The following ADAT1 variants were observed in gnomAD, a reference collection of about 807,000 sequenced individuals.
ADAT1 encodes tRNA-specific adenosine deaminase 1.
A neutral mutation model predicts 58.6 loss-of-function variants in ADAT1; 58 were observed. That is an observed-to-expected ratio of 0.99 (90% CI 0.80 to 1.23). The LOEUF (loss-of-function observed/expected upper bound fraction) is 1.23. ADAT1 is among the 50% of genes most tolerant of loss of function. The pLI, the probability that ADAT1 is intolerant of heterozygous loss-of-function variation, is 0.00. For missense variants in ADAT1, 741 were observed against 608.6 expected, an observed-to-expected ratio of 1.22 and a Z score of -2.29; for synonymous variants, 254 against 220.8, an observed-to-expected ratio of 1.15 and a Z score of -1.33.
At chr16:75,620,509 A>T in intron 2 of ADAT1, 122 bp downstream of exon 2, 1 of 1,412,966 alleles carries the variant, frequency 7.1e-7, no homozygotes, top group Non-Finnish European at 9.8e-7. Context: ...CTAGCAGAGG[A>T]CAAGCACATA....
intron 5 of ADAT1, among the ~76,000 whole-genome samples, chr16:75,616,365 A>G (rs564421897): frequency 5.9e-5 from 9 of 152,312 alleles, no homozygotes; most frequent in Admixed American, 4.6e-4. Flanking sequence ...AAATCTACAC[A>G]GCTATTCTAT....
At chr16:75,619,660 C>T (rs899704659) in intron 3 of ADAT1, 6 of 455,088 alleles carry the variant, frequency 1.3e-5, no homozygotes, top group African/African-American at 1.2e-4. Flanking sequence ...CCTTTAATCC[C>T]AGCACTTTGG....
chr16:75,620,633 T>C lies in ADAT1; in HGVS notation c.167A>G (p.Gln56Arg), dbSNP rs1007913134. ...KACDTPDKPV[Q>R]VTKEVVSMGT... ...ATGCCAAGAAGAAAAAGTCTCACCT[T>C]GCACCGGCTTATCAGGGGTGTCGCA... The change falls in exon 2 of 10, where the codon CAA becomes CGA. Residue 56 changes from glutamine (Q) to arginine (R), a missense_variant and splice_region_variant. Transcript: ENST00000564657. 1 of 1,612,820 alleles carries C rather than the reference T, an allele frequency of 6.2e-7. No individual in the cohort carries two copies. Among genetic ancestry groups the C allele is most frequent in the South Asian group, 1.1e-5 (1 of 90,984 alleles).
intron 8 of ADAT1, among the ~76,000 whole-genome samples, chr16:75,603,383 A>G (rs2081277784): frequency 6.6e-6 from 1 of 152,328 alleles, no homozygotes; most frequent in Non-Finnish European, 1.5e-5. Flanking sequence ...GCCATCAGCC[A>G]TGGGATCATT....
intron 8 of ADAT1, among the ~76,000 whole-genome samples, chr16:75,604,231 G>C (rs56206550): frequency 6.6e-6 from 1 of 151,320 alleles, no homozygotes; most frequent in African/African-American, 2.4e-5. Flanking sequence ...TCAGGAGTTC[G>C]AGACCAGCCT....
chr16:75,621,525 G>A (rs1597148739), intron 1 of ADAT1, among the ~76,000 whole-genome samples: 2 of 152,114 alleles, frequency 1.3e-5, no homozygotes, highest in South Asian at 4.1e-4. Context: ...AGATTATTGT[G>A]AAGATTAAAT....
intron 3 of ADAT1, among the ~76,000 whole-genome samples, chr16:75,619,902 A>AAT (rs1180427669): frequency 6.6e-6 from 1 of 151,776 alleles, no homozygotes; most frequent in East Asian, 1.9e-4. Context: ...TCAAAAAAAA[A>AAT]AAAAAAAAAA....
chr16:75,617,272 C>A lies in ADAT1; in HGVS notation c.294G>T (p.Arg98Ser). 6.2e-7 allele frequency: 1 copy of A among 1,611,692 alleles called. No individual in the cohort carries two copies. The highest frequency in any genetic ancestry group is 8.5e-7 in the Non-Finnish European group (1 of 1,178,112). Residue 98 changes from arginine to serine, a missense_variant and splice_region_variant, in exon 5 of 10, where the codon AGG becomes AGT. Coordinates refer to ENST00000564657, the MANE Select transcript of ADAT1 (RefSeq NM_001324445.2). ...AEVIARRSFQ[R>S]YLLHQLQLAA... is the part of the protein sequence containing the mutation. The stretch of plus-strand genomic sequence containing the variant: ...CCAACTGGAGTTGGTGGAGAAGGTA[C>A]CTAAGGGTTGCAAGATGTTATTAGG...
At chr16:75,613,362 G>A (rs2081609020) in intron 5 of ADAT1, among the ~76,000 whole-genome samples, 1 of 152,102 alleles carries the variant, frequency 6.6e-6, no homozygotes, top group African/African-American at 2.4e-5. Context: ...AGTGCAGTGG[G>A]GTGATCTCTG....
rs1597153669 is a variant in ADAT1, at chr16:75,623,204, T to G, written c.-823A>C. 1 of 151,934 alleles carries G rather than the reference T, an allele frequency of 6.6e-6. No individual in the cohort carries two copies. Among genetic ancestry groups the G allele is most frequent in the East Asian group, 1.9e-4 (1 of 5,194 alleles). The allele number at this position is 151,934 out of a possible 1,614,324, so 9.4% of individuals were successfully genotyped here. On this transcript the variant is annotated 5_prime_UTR_variant, in exon 1 of 10. Coordinates refer to ENST00000564657, the MANE Select transcript of ADAT1 (RefSeq NM_001324445.2). Reference sequence around the variant, plus strand: ...AGTTAGCCCGGATAAACCTGCCCCGTCGCCCCAGCGCCTCGCGGACGCTCC... The same window carrying G: ...AGTTAGCCCGGATAAACCTGCCCCGGCGCCCCAGCGCCTCGCGGACGCTCC...
In ADAT1 at chr16:75,598,922, G is replaced by A; in HGVS notation, c.*1294C>T. 4 of 985,310 alleles carry A rather than the reference G, an allele frequency of 4.1e-6. No homozygotes were observed. Among genetic ancestry groups the A allele is most frequent in the Non-Finnish European group, 4.8e-6 (4 of 829,906 alleles). The allele number at this position is 985,310 out of a possible 1,614,324, so 61.0% of individuals were successfully genotyped here. A position where few individuals can be genotyped will look rare whatever the true frequency, so the allele number is the denominator to read the frequency against. On this transcript the variant is annotated 3_prime_UTR_variant, in exon 10 of 10. Transcript: ENST00000564657. ...AAAATATTTATAGCCACAAAATGCT[G>A]AAGAACCAATAAGGACCTTGAGTAA...
intron 6 of ADAT1, among the ~76,000 whole-genome samples, chr16:75,611,911 A>T (rs2081548553): frequency 6.6e-6 from 1 of 151,918 alleles, no homozygotes; most frequent in Non-Finnish European, 1.5e-5. Context: ...TACAAAAATT[A>T]GCCAGGCGTG....
chr16:75,600,977 C>A (rs2081213703), intron 9 of ADAT1, among the ~76,000 whole-genome samples: 2 of 152,124 alleles, frequency 1.3e-5, no homozygotes, highest in Non-Finnish European at 2.9e-5. Context: ...TAAGAATGAA[C>A]AGAATTCTAG....
At chr16:75,600,441 G>A in intron 9 of ADAT1, 93 bp from the exon 10 acceptor site, 2 of 1,548,014 alleles carry the variant, frequency 1.3e-6, no homozygotes, top group Non-Finnish European at 1.7e-6. Context: ...GGACAGACTT[G>A]TAATGAGACT....
chr16:75,620,522 C>T lies in ADAT1; in HGVS notation c.169+109G>A, dbSNP rs535796313. ...ACCTAGCAGAGGACAAGCACATATG[C>T]CTAACATCGTAGTTCACACCCTACC... On this transcript the variant is annotated intron_variant, in intron 2 of 9. Coordinates refer to ENST00000564657, the MANE Select transcript of ADAT1 (RefSeq NM_001324445.2). 6.2e-6 allele frequency: 9 copies of T among 1,441,144 alleles called. No individual in the cohort carries two copies. The East Asian group carries it at 1.8e-4, about 29-fold the overall frequency. The allele number at this position is 1,441,144 out of a possible 1,614,324, so 89.3% of individuals were successfully genotyped here.
chr16:75,620,551 G>C (rs1325693949), intron 2 of ADAT1, 80 bp downstream of exon 2: 2 of 1,524,810 alleles, frequency 1.3e-6, no homozygotes, highest in East Asian at 2.3e-5. Context: ...CCCTACCCAC[G>C]ACTGTACCCT....
chr16:75,597,406 A>G lies in ADAT1; in HGVS notation c.*2810T>C, dbSNP rs1248207449. ...CATCAGAAGCTAAGGAGGAAGCATG[A>G]AAGAGTCTTCTTCAGAGCAGCAGTC... is the stretch of plus-strand genomic sequence containing the variant. On this transcript the variant is annotated 3_prime_UTR_variant, in exon 10 of 10. Transcript: ENST00000564657. The G allele has an allele frequency of 2.2e-6, 1 of 451,498 alleles. No homozygotes were observed. Among genetic ancestry groups the G allele is most frequent in the East Asian group, 7.0e-5 (1 of 14,204 alleles). 28.0% of individuals were successfully genotyped at this position (451,498 alleles called of 1,614,324 possible).
At chr16:75,618,118 A>AG (rs2081797428) in intron 4 of ADAT1, among the ~76,000 whole-genome samples, 5 of 148,770 alleles carry the variant, frequency 3.4e-5, no homozygotes, top group African/African-American at 1.0e-4. Context: ...AAAAAAAAAA[A>AG]AAAAAAGAGA....
At chr16:75,606,871 T>C (rs1279538387) in intron 8 of ADAT1, among the ~76,000 whole-genome samples, 1 of 152,228 alleles carries the variant, frequency 6.6e-6, no homozygotes, top group Non-Finnish European at 1.5e-5. Flanking sequence ...GAAAGATTTA[T>C]ATAAAGCTAT....
Sources: gnomAD v4.1 joint callset for allele counts (sites outside exome capture counted in the v4.1 genomes callset) on GRCh38, gnomAD v4.1.1 for gene constraint, MANE v1.5 for transcripts, NCBI Gene and HGNC (gene_info 2026-07-23, HGNC 2026-07-21) for gene names.